The following PPP1R16B variants were observed in gnomAD, a reference collection of about 807,000 sequenced individuals.
PPP1R16B encodes the protein protein phosphatase 1 regulatory inhibitor subunit 16B.
Under a neutral mutation model 61.7 loss-of-function variants are expected in PPP1R16B, and 14 were observed. That is an observed-to-expected ratio of 0.23 (90% CI 0.15 to 0.35). The LOEUF (loss-of-function observed/expected upper bound fraction) is 0.35, where lower values mean the gene tolerates loss of function less well. Ranked by LOEUF, PPP1R16B falls within the 10% of genes least tolerant of loss-of-function variation. The pLI is 1.00. For missense variants in PPP1R16B, 547 were observed against 752.5 expected, an observed-to-expected ratio of 0.73 and a Z score of 3.19; for synonymous variants, 266 against 305.3, an observed-to-expected ratio of 0.87 and a Z score of 1.34.
At chr20:38,838,270 T>A (rs1334908068) in intron 2 of PPP1R16B, 1 of 152,466 alleles carries the variant, frequency 6.6e-6, no homozygotes, top group Admixed American at 6.5e-5. Flanking sequence ...TGGCTGTCCC[T>A]GGAGAGGCCT....
At chr20:38,882,878 G>A (rs1455605722) in intron 2 of PPP1R16B, among the ~76,000 whole-genome samples, 1 of 152,204 alleles carries the variant, frequency 6.6e-6, no homozygotes, top group African/African-American at 2.4e-5. Context: ...AGGAAACAGT[G>A]TGTGCAAAGG....
intron 2 of PPP1R16B, among the ~76,000 whole-genome samples, chr20:38,851,986 T>C: frequency 6.6e-6 from 1 of 152,202 alleles, no homozygotes; most frequent in Admixed American, 6.5e-5. Flanking sequence ...TAAGTCACAA[T>C]TGTGCCACTG....
At chr20:38,897,949 G>A (rs1043253064) in intron 4 of PPP1R16B, among the ~76,000 whole-genome samples, 1 of 152,086 alleles carries the variant, frequency 6.6e-6, no homozygotes, top group African/African-American at 2.4e-5. Context: ...AACTGGGTTG[G>A]GTTTTTGTCA....
chr20:38,846,424 G>A (rs2084935948), intron 2 of PPP1R16B, among the ~76,000 whole-genome samples: 1 of 152,148 alleles, frequency 6.6e-6, no homozygotes, highest in Non-Finnish European at 1.5e-5. Context: ...GAGAACAAAG[G>A]AGACCAGAAT....
At chr20:38,826,171 C>A (rs556441940) in intron 1 of PPP1R16B, among the ~76,000 whole-genome samples, 4 of 152,080 alleles carry the variant, frequency 2.6e-5, no homozygotes, top group South Asian at 2.1e-4. Flanking sequence ...GGAAAATGAT[C>A]CCTCCAGCTG....
In PPP1R16B at chr20:38,882,717, AG is replaced by A. The variant is rs1354189482; in HGVS notation, c.251-6875del. Among the ~76,000 whole-genome samples the A allele has an allele frequency of 2.6e-5, 4 of 152,186 alleles. No individual in the cohort carries two copies. In the East Asian group the frequency reaches 7.7e-4, roughly 29 times the overall value. ...CTGTAAAGGACAAAAGCAGAAATGC[AG>A]GGTAGTGTGGAGAGAATAGATGGGG... On this transcript the variant is annotated intron_variant, in intron 2 of 10. Coordinates refer to ENST00000299824, the MANE Select transcript of PPP1R16B (RefSeq NM_015568.4).
intron 2 of PPP1R16B, among the ~76,000 whole-genome samples, 189 bp downstream of exon 2, chr20:38,836,364 T>TC (rs2084872297): frequency 6.6e-6 from 1 of 151,728 alleles, no homozygotes; most frequent in East Asian, 1.9e-4. Flanking sequence ...GACTTCTTTT[T>TC]TTTCTAAGAC....
chr20:38,855,940 A>G (rs2085003465), intron 2 of PPP1R16B, among the ~76,000 whole-genome samples: 1 of 71,700 alleles, frequency 1.4e-5, no homozygotes, highest in Non-Finnish European at 2.5e-5. Context: ...ATATATATAT[A>G]TATAGAGAGA....
chr20:38,898,380 G>A (rs2145770691), intron 4 of PPP1R16B, among the ~76,000 whole-genome samples: 1 of 152,274 alleles, frequency 6.6e-6, no homozygotes, highest in Admixed American at 6.5e-5. Context: ...ACTGTTTGAT[G>A]CTAGAGTTTT....
chr20:38,897,862 C>T (rs2085361647), intron 4 of PPP1R16B, among the ~76,000 whole-genome samples: 1 of 152,192 alleles, frequency 6.6e-6, no homozygotes. Flanking sequence ...TGACGTTGAG[C>T]ATCTTTTCAT....
In PPP1R16B at chr20:38,808,892, G is replaced by T. The variant is rs1433917253; in HGVS notation, c.-102+3100G>T. Among the ~76,000 whole-genome samples the T allele has an allele frequency of 2.0e-5, 3 of 152,096 alleles. No individual in the cohort carries two copies. The East Asian group carries it at 5.8e-4, about 29-fold the overall frequency. The stretch of plus-strand genomic sequence containing the variant: ...TACTAAAAATACAAAAATTAGTGCA[G>T]CATGGTGGCGCATGCCTGTAGTCCT... On this transcript the variant is annotated intron_variant, in intron 1 of 10. Transcript: ENST00000299824.
chr20:38,870,640 G>A (rs1471835645), intron 2 of PPP1R16B, among the ~76,000 whole-genome samples: 1 of 152,178 alleles, frequency 6.6e-6, no homozygotes, highest in Non-Finnish European at 1.5e-5. Flanking sequence ...AGGAAGGTGT[G>A]AAACAGTGGG....
At chr20:38,884,915 C>T (rs1256403696) in intron 2 of PPP1R16B, among the ~76,000 whole-genome samples, 1 of 149,320 alleles carries the variant, frequency 6.7e-6, no homozygotes, top group Non-Finnish European at 1.5e-5. Flanking sequence ...ACTAAAAATA[C>T]AAAAAATTAG....
chr20:38,832,974 G>T (rs568955551), intron 1 of PPP1R16B, among the ~76,000 whole-genome samples: 2 of 152,038 alleles, frequency 1.3e-5, no homozygotes, highest in African/African-American at 4.8e-5. Context: ...GTACTCTTGG[G>T]TATTTGCTCC....
chr20:38,868,572 G>A (rs746222884), intron 2 of PPP1R16B, among the ~76,000 whole-genome samples: 1 of 152,050 alleles, frequency 6.6e-6, no homozygotes, highest in East Asian at 1.9e-4. Context: ...TAGTACAGAC[G>A]GGGTTTCACT....
chr20:38,866,841 C>A (rs1184942809), intron 2 of PPP1R16B, among the ~76,000 whole-genome samples: 1 of 152,202 alleles, frequency 6.6e-6, no homozygotes, highest in Non-Finnish European at 1.5e-5. Flanking sequence ...CAAAGCTGTA[C>A]AGTCATCACC....
chr20:38,900,675 G>A lies in PPP1R16B; in HGVS notation c.562G>A (p.Ala188Thr), dbSNP rs765665053. 1 of 1,583,268 alleles carries A rather than the reference G, an allele frequency of 6.3e-7. No homozygotes were observed. Among genetic ancestry groups the A allele is most frequent in the Non-Finnish European group, 8.6e-7 (1 of 1,167,846 alleles). Residue 188 changes from alanine to threonine, a missense_variant, in exon 5 of 11, where the codon GCA becomes ACA. Physicochemically the swap from Ala to Thr is moderately conservative, Grantham distance 58. Coordinates refer to ENST00000299824, the MANE Select transcript of PPP1R16B (RefSeq NM_015568.4). The part of the protein sequence containing the change: ...PTLDVIETCM[A>T]YQGITQEKIN... ...CCTGGATGTCATCGAGACCTGCATG[G>A]CATACCAGGGTAAGGGAGGGCAGCC...
At chr20:38,903,564 TCCG>T (rs2085414164) in intron 6 of PPP1R16B, among the ~76,000 whole-genome samples, 1 of 55,502 alleles carries the variant, frequency 1.8e-5, no homozygotes, top group African/African-American at 6.2e-5. Flanking sequence ...CATCCATCCA[TCCG>T]TCCGTCCGTC....
intron 2 of PPP1R16B, among the ~76,000 whole-genome samples, chr20:38,878,394 C>T (rs1176079514): frequency 6.6e-6 from 1 of 152,158 alleles, no homozygotes; most frequent in South Asian, 2.1e-4. Flanking sequence ...TCAGAGTGGA[C>T]AGGTGTGAGC....
Sources: gnomAD v4.1 joint callset for allele counts (sites outside exome capture counted in the v4.1 genomes callset) on GRCh38, gnomAD v4.1.1 for gene constraint, MANE v1.5 for transcripts, NCBI Gene and HGNC (gene_info 2026-07-23, HGNC 2026-07-21) for gene names.